The following TMTC3 variants were observed in gnomAD, a reference collection of about 807,000 sequenced individuals.
The protein encoded by TMTC3 is transmembrane O-mannosyltransferase targeting cadherins 3.
A neutral mutation model predicts 92.2 loss-of-function variants in TMTC3; 52 were observed. That is an observed-to-expected ratio of 0.56 (90% confidence interval 0.45 to 0.71). The LOEUF is 0.71. Among genes scored for constraint, TMTC3 ranks in the 30% least tolerant of loss-of-function variants. TMTC3 has a pLI of 0.00. For missense variants in TMTC3, 896 were observed against 1,057.1 expected (o/e 0.85, Z 2.11); for synonymous variants, 339 against 363.3 (o/e 0.93, Z 0.76).
At chr12:88,169,743 A>C (rs1460291108) in intron 7 of TMTC3, among the ~76,000 whole-genome samples, 1 of 152,070 alleles carries the variant, frequency 6.6e-6, no homozygotes, top group African/African-American at 2.4e-5. Flanking sequence ...GTTTGGGACA[A>C]ACCTGGGCAA....
At position 88,197,259 on chromosome 12, in the gene TMTC3, ATTTTTTTTTTTTTT is replaced by A. The variant is rs60468231; in HGVS notation, c.*1622_*1635del. On this transcript the variant is annotated 3_prime_UTR_variant, in exon 14 of 14. Transcript: ENST00000266712. ...TAGGTTCCCTAAGGATCTGCCATAG[ATTTTTTTTTTTTTT>A]TTTTTTTTTTTAGGTAGTTTAAAGC... The A allele has an allele frequency of 9.0e-6, 1 of 110,576 alleles. No individual in the cohort carries two copies. The highest frequency in any genetic ancestry group is 3.7e-5 in the African/African-American group (1 of 26,886). The allele number at this position is 110,576 out of a possible 1,614,324, so 6.8% of individuals were successfully genotyped here.
At chr12:88,194,367 G>GT (rs2041482233) in intron 13 of TMTC3, among the ~76,000 whole-genome samples, 1 of 152,030 alleles carries the variant, frequency 6.6e-6, no homozygotes, top group African/African-American at 2.4e-5. Context: ...TTTCTACCCA[G>GT]TAATAGTTAC....
intron 12 of TMTC3, among the ~76,000 whole-genome samples, chr12:88,191,278 G>A (rs1201539426): frequency 6.6e-6 from 1 of 151,858 alleles, no homozygotes; most frequent in Non-Finnish European, 1.5e-5. Context: ...TCTTTGTTCC[G>A]CCGTGCCTAT....
intron 10 of TMTC3, among the ~76,000 whole-genome samples, chr12:88,180,081 C>G (rs1213525926): frequency 3.9e-5 from 6 of 152,200 alleles, no homozygotes; most frequent in African/African-American, 1.4e-4. Context: ...TCCTACATCT[C>G]ACCCTTTTCT....
intron 6 of TMTC3, among the ~76,000 whole-genome samples, chr12:88,165,131 T>C (rs978374816): frequency 6.6e-6 from 1 of 152,110 alleles, no homozygotes; most frequent in Non-Finnish European, 1.5e-5. Context: ...GGTATGAATA[T>C]GGTGCTTATA....
chr12:88,181,838 T>C (rs2041321592), intron 10 of TMTC3, among the ~76,000 whole-genome samples: 1 of 152,198 alleles, frequency 6.6e-6, no homozygotes. Context: ...TTCCACCAAA[T>C]AGCCACTTTT....
chr12:88,192,880 T>C (rs757548711), intron 13 of TMTC3, 50 bp downstream of exon 13: 1 of 1,436,542 alleles, frequency 7.0e-7, no homozygotes, highest in Non-Finnish European at 9.4e-7. Context: ...GTTTATAATA[T>C]AATAAGACCT....
At chr12:88,174,583 T>C in intron 8 of TMTC3, 24 bp from the exon 9 acceptor site, 1 of 1,588,958 alleles carries the variant, frequency 6.3e-7, no homozygotes, top group Non-Finnish European at 8.5e-7. Flanking sequence ...ATTTTTTTTG[T>C]TTTGCTTTTT....
At chr12:88,154,420 G>A in intron 4 of TMTC3, 33 bp downstream of exon 4, 5 of 1,475,344 alleles carry the variant, frequency 3.4e-6, no homozygotes, top group Non-Finnish European at 3.7e-6. Flanking sequence ...TTTTTTAATA[G>A]TGCTAAAACT....
intron 6 of TMTC3, 74 bp downstream of exon 6, chr12:88,160,925 G>T: frequency 1.4e-6 from 2 of 1,395,898 alleles, no homozygotes; most frequent in South Asian, 1.4e-5. Flanking sequence ...AAATGTTGAA[G>T]AAAGTATTTT....
chr12:88,191,480 T>A (rs1310458487), intron 12 of TMTC3, among the ~76,000 whole-genome samples: 1 of 152,192 alleles, frequency 6.6e-6, no homozygotes, highest in African/African-American at 2.4e-5. Context: ...AGTAGTATTA[T>A]AAGAACAACT....
chr12:88,172,999 A>G (rs918401839), intron 8 of TMTC3: 2 of 1,392,548 alleles, frequency 1.4e-6, no homozygotes, highest in African/African-American at 2.9e-5. Flanking sequence ...TCAGATCCAA[A>G]TGAAAACAAG....
At chr12:88,175,955 A>G (rs1224555691) in intron 9 of TMTC3, among the ~76,000 whole-genome samples, 1 of 152,254 alleles carries the variant, frequency 6.6e-6, no homozygotes, top group Non-Finnish European at 1.5e-5. Flanking sequence ...CTGTGCTTTC[A>G]TCAAATAACA....
rs2040746795 is a variant in TMTC3, at chr12:88,142,483, C to T, written c.-33C>T. On this transcript the variant is annotated 5_prime_UTR_variant, in exon 1 of 14. Coordinates refer to ENST00000266712, the MANE Select transcript of TMTC3 (RefSeq NM_181783.4). ...TAAGCCATCCCCTGGCGGAACCGCC[C>T]CCAGGTGAGGTCGAGCTGTCGGTCA... 6.5e-6 allele frequency: 1 copy of T among 153,020 alleles called. No individual in the cohort carries two copies. Among genetic ancestry groups the T allele is most frequent in the Non-Finnish European group, 1.5e-5 (1 of 68,744 alleles). The allele number at this position is 153,020 out of a possible 1,614,324, so 9.5% of individuals were successfully genotyped here.
chr12:88,148,790 G>A (rs74741016), intron 2 of TMTC3, among the ~76,000 whole-genome samples: 4 of 151,452 alleles, frequency 2.6e-5, no homozygotes, highest in South Asian at 4.2e-4. Flanking sequence ...GATTTGTCAC[G>A]TGGGTATATT....
Position 88,166,474 on chromosome 12 carries a change from A to G in TMTC3, c.942A>G (p.Ser314=), listed in dbSNP as rs962197454. 6.2e-7 allele frequency: 1 copy of G among 1,613,854 alleles called. No homozygotes were observed. The highest frequency in any genetic ancestry group is 1.1e-5 in the South Asian group (1 of 91,084). The change falls in exon 7 of 14, where the codon TCA becomes TCG. Residue 314 remains serine, a synonymous_variant. Coordinates refer to ENST00000266712, the MANE Select transcript of TMTC3 (RefSeq NM_181783.4). ...TGGGAACAATACCACTTATAGAGTC[A>G]TTACTAGATATTCGAAATCTGGCCA... ...WTMGTIPLIE[S]LLDIRNLATF...
intron 8 of TMTC3, among the ~76,000 whole-genome samples, chr12:88,173,571 C>G (rs552858306): frequency 6.6e-6 from 1 of 152,194 alleles, no homozygotes; most frequent in South Asian, 2.1e-4. Flanking sequence ...TGCACCTGCT[C>G]TTTGAATATT....
intron 7 of TMTC3, among the ~76,000 whole-genome samples, chr12:88,166,840 T>C (rs1396077449): frequency 1.3e-5 from 2 of 152,198 alleles, no homozygotes; most frequent in Admixed American, 6.5e-5. Context: ...TTGATTATAT[T>C]GTATATTATT....
chr12:88,144,166 C>T (rs2040842092), intron 1 of TMTC3, among the ~76,000 whole-genome samples: 1 of 152,162 alleles, frequency 6.6e-6, no homozygotes, highest in Non-Finnish European at 1.5e-5. Flanking sequence ...CTTGTGCCCA[C>T]CTCCTATCTC....
Sources: allele counts gnomAD v4.1 joint callset (sites outside exome capture counted in the v4.1 genomes callset), GRCh38; gene constraint gnomAD v4.1.1; transcripts MANE v1.5; gene names NCBI Gene and HGNC (gene_info 2026-07-23, HGNC 2026-07-21).